AZGP1: variants seen among roughly 807,000 people sequenced by gnomAD.
AZGP1 encodes the protein zinc-alpha-2-glycoprotein.
AZGP1 carries 28 observed loss-of-function variants against 31.5 expected under a neutral mutation model. The observed-to-expected ratio is 0.89, with a 90% CI of 0.66 to 1.22. The LOEUF (loss-of-function observed/expected upper bound fraction) is 1.22. AZGP1 is among the 50% of genes most tolerant of loss of function. The pLI, the probability that AZGP1 is intolerant of heterozygous loss-of-function variation, is 0.00. For synonymous variants in AZGP1, 135 were observed against 145.4 expected, an observed-to-expected ratio of 0.93 and a Z score of 0.51; for missense variants, 361 against 371.8, an observed-to-expected ratio of 0.97 and a Z score of 0.24.
intron 1 of AZGP1, among the ~76,000 whole-genome samples, chr7:99,974,332 A>T (rs1789624862): frequency 6.6e-6 from 1 of 152,148 alleles, no homozygotes; most frequent in Admixed American, 6.5e-5. Flanking sequence ...TGACACCTGT[A>T]ATCCCGGCAC....
At chr7:99,969,178 G>A (rs564208514) in intron 2 of AZGP1, among the ~76,000 whole-genome samples, 4 of 152,104 alleles carry the variant, frequency 2.6e-5, no homozygotes, top group African/African-American at 9.6e-5. Flanking sequence ...GGAGGCTGAG[G>A]CCAAAGGATC....
chr7:99,973,234 T>A (rs1238377206), intron 1 of AZGP1, among the ~76,000 whole-genome samples: 1 of 152,038 alleles, frequency 6.6e-6, no homozygotes, highest in East Asian at 1.9e-4. Flanking sequence ...TAGCACAGGG[T>A]AAGACTAGGA....
intron 1 of AZGP1, among the ~76,000 whole-genome samples, chr7:99,975,160 AT>A (rs1300912757): frequency 6.6e-6 from 1 of 152,190 alleles, no homozygotes; most frequent in Non-Finnish European, 1.5e-5. Context: ...ACGTACATAT[AT>A]ATGTATATGT....
rs768392651 is a variant in AZGP1, at chr7:99,971,965, G to C, written c.118C>G (p.His40Asp). 24 of 1,614,000 alleles carry C rather than the reference G, an allele frequency of 1.5e-5. No homozygotes were observed. The Middle Eastern group carries it at 1.3e-3, about 89-fold the overall frequency. Residue 40 changes from histidine (H) to aspartate (D), a missense_variant, in exon 2 of 4, where the codon CAT (histidine) becomes GAT (aspartate). Physicochemically the swap from His to Asp is moderately conservative, Grantham distance 81. Transcript: ENST00000292401. Reference protein sequence around the residue: ...LTYIYTGLSKHVEDVPAFQAL... With the variant: ...LTYIYTGLSKDVEDVPAFQAL... ...TGAAACGCGGGGACGTCTTCAACAT[G>C]CTTGGACAGCCCAGTGTAGATATAG...
In AZGP1 at chr7:99,968,384, G is replaced by A. The variant is rs8192465; in HGVS notation, c.384C>T (p.Asn128=). 0.019 allele frequency: 30,627 copies of A among 1,613,730 alleles called. 382 individuals are homozygous for A. Among genetic ancestry groups the A allele is most frequent in the Non-Finnish European group, 0.023 (27,166 of 1,179,954 alleles). Residue 128 remains asparagine, a synonymous_variant, in exon 3 of 4, where the codon AAC becomes AAT. Transcript: ENST00000292401. ...QGRFGCEIEN[N]RSSGAFWKYY... is the part of the protein sequence containing the mutation. The stretch of plus-strand genomic sequence containing the variant: ...ATTTCCAGAATGCTCCGCTGCTTCT[G>A]TTATTCTCGATCTCACAACCAAACC...
intron 2 of AZGP1, among the ~76,000 whole-genome samples, chr7:99,969,665 T>C (rs1317606004): frequency 6.6e-6 from 1 of 152,230 alleles, no homozygotes; most frequent in Non-Finnish European, 1.5e-5. Context: ...TTTGAATTTA[T>C]GCTGAGTCCT....
chr7:99,968,792 A>C (rs34349564), intron 2 of AZGP1: 1 of 244,394 alleles, frequency 4.1e-6, no homozygotes, highest in South Asian at 5.9e-5. Context: ...GCGAAATCCC[A>C]CCACTACAAA....
chr7:99,971,747 G>A lies in AZGP1; in HGVS notation c.336C>T (p.Asn112=), dbSNP rs200393898. 48 of 1,613,462 alleles carry A rather than the reference G, an allele frequency of 3.0e-5. No individual in the cohort carries two copies. The highest frequency in any genetic ancestry group is 1.6e-4 in the Middle Eastern group (1 of 6,082). Residue 112 remains asparagine, a splice_region_variant and synonymous_variant, in exon 2 of 4, where the codon AAC becomes AAT. Transcript: ENST00000292401. ...KDIVEYYNDS[N]GSHVLQGRFG... Reference sequence around the variant, plus strand: ...CCCTGTGGTCTGTTATTCACTGACCGTTACTGTCGTTGTAATACTCCACGA... The same window carrying A: ...CCCTGTGGTCTGTTATTCACTGACCATTACTGTCGTTGTAATACTCCACGA...
chr7:99,968,555 T>C, intron 2 of AZGP1, 125 bp from the exon 3 acceptor site: 1 of 1,209,946 alleles, frequency 8.3e-7, no homozygotes, highest in African/African-American at 1.5e-5. Context: ...AAGCATGCAA[T>C]CCCTTTATCA....
rs558889378 is a variant in AZGP1 at position 99,971,928 on chromosome 7, G to A, written c.155C>T (p.Ser52Leu). 3.1e-6 allele frequency: 5 copies of A among 1,614,094 alleles called. No individual in the cohort carries two copies. ...EDVPAFQALG[S>L]LNDLQFFRYN... Reference sequence around the variant, plus strand: ...TCTAAAGAACTGGAGGTCATTGAGTGAGCCAAGGGCCTGAAACGCGGGGAC... The same window carrying A: ...TCTAAAGAACTGGAGGTCATTGAGTAAGCCAAGGGCCTGAAACGCGGGGAC... Residue 52 changes from serine to leucine, a missense_variant, in exon 2 of 4, where the codon TCA becomes TTA. Transcript: ENST00000292401.
chr7:99,968,296 C>T lies in AZGP1; in HGVS notation c.472G>A (p.Asp158Asn), dbSNP rs1388978064. ...TGCTTGGTTATCTGGGCTGCTGGGTCGAAGGGGACCCAGGCTGGGATTTCT... is the reference window on the plus strand; with the variant it reads ...TGCTTGGTTATCTGGGCTGCTGGGTTGAAGGGGACCCAGGCTGGGATTTCT... Reference protein sequence around the residue: ...NKEIPAWVPFDPAAQITKQKW... With the variant: ...NKEIPAWVPFNPAAQITKQKW... Residue 158 changes from aspartate (D) to asparagine (N), a missense_variant, in exon 3 of 4, where the codon GAC becomes AAC. Coordinates refer to ENST00000292401, the MANE Select transcript of AZGP1 (RefSeq NM_001185.4). 1.1e-5 allele frequency: 18 copies of T among 1,613,710 alleles called. No individual in the cohort carries two copies. The highest frequency in any genetic ancestry group is 1.2e-5 in the Non-Finnish European group (14 of 1,179,958).
In AZGP1 at chr7:99,967,064, G is replaced by A. The variant is rs765243322; in HGVS notation, c.836C>T (p.Ser279Phe). 6.2e-6 allele frequency: 10 copies of A among 1,614,208 alleles called. No individual in the cohort carries two copies. Among genetic ancestry groups the A allele is most frequent in the East Asian group, 4.5e-5 (2 of 44,882 alleles). Residue 279 changes from serine to phenylalanine, a missense_variant, in exon 4 of 4, where the codon TCC becomes TTC. Coordinates refer to ENST00000292401, the MANE Select transcript of AZGP1 (RefSeq NM_001185.4). Reference protein sequence around the residue: ...AVPPQDTAPYSCHVQHSSLAQ... With the variant: ...AVPPQDTAPYFCHVQHSSLAQ... The stretch of plus-strand genomic sequence containing the variant: ...CAGGCTGCTGTGCTGCACGTGGCAG[G>A]AGTAGGGGGCTGTGTCCTGCGGGGG...
At chr7:99,975,385 C>A (rs955023348) in intron 1 of AZGP1, among the ~76,000 whole-genome samples, 1 of 152,180 alleles carries the variant, frequency 6.6e-6, no homozygotes, top group African/African-American at 2.4e-5. Context: ...AAACAGCCTC[C>A]TTCCCTTATC....
At chr7:99,972,061 G>C in intron 1 of AZGP1, 55 bp from the exon 2 acceptor site, 1 of 1,535,058 alleles carries the variant, frequency 6.5e-7, no homozygotes, top group Non-Finnish European at 8.7e-7. Flanking sequence ...CCACTGTGGG[G>C]CTGCATAGGG....
chr7:99,974,043 T>G (rs1342824641), intron 1 of AZGP1, among the ~76,000 whole-genome samples: 1 of 150,616 alleles, frequency 6.6e-6, no homozygotes, highest in Non-Finnish European at 1.5e-5. Flanking sequence ...GAGGCTGAAG[T>G]GAGTGGATCA....
chr7:99,967,047 T>C lies in AZGP1; in HGVS notation c.853A>G (p.Ser285Gly), dbSNP rs1456512851. ...TAPYSCHVQH[S>G]SLAQPLVVPW... ...ACCACGAGGGGCTGGGCCAGGCTGC[T>C]GTGCTGCACGTGGCAGGAGTAGGGG... The change falls in exon 4 of 4, where the codon AGC becomes GGC. Residue 285 changes from serine (S) to glycine (G), a missense_variant. Ser to Gly is a moderately conservative substitution (Grantham distance 56). Transcript: ENST00000292401. The C allele has an allele frequency of 6.2e-7, 1 of 1,614,058 alleles. No homozygotes were observed. Among genetic ancestry groups the C allele is most frequent in the African/African-American group, 1.3e-5 (1 of 74,934 alleles).
chr7:99,973,566 A>C (rs1789612848), intron 1 of AZGP1, among the ~76,000 whole-genome samples: 1 of 151,670 alleles, frequency 6.6e-6, no homozygotes, highest in Non-Finnish European at 1.5e-5. Flanking sequence ...TAATGGGTAC[A>C]AAAAAAATAG....
intron 1 of AZGP1, among the ~76,000 whole-genome samples, chr7:99,975,563 C>G (rs1405308866): frequency 3.3e-5 from 5 of 152,140 alleles, no homozygotes; most frequent in Non-Finnish European, 4.4e-5. Flanking sequence ...GGGCTGCTCT[C>G]TCTTTCCCTC....
chr7:99,968,415 T>C lies in AZGP1; in HGVS notation c.353A>G (p.Gln118Arg). The C allele has an allele frequency of 6.2e-7, 1 of 1,613,912 alleles. No individual in the cohort carries two copies. The highest frequency in any genetic ancestry group is 8.5e-7 in the Non-Finnish European group (1 of 1,179,992). Residue 118 changes from glutamine (Q) to arginine (R), a missense_variant, in exon 3 of 4, where the codon CAG (glutamine) becomes CGG (arginine). Gln to Arg is a conservative substitution (Grantham distance 43). Transcript: ENST00000292401. ...CTCGATCTCACAACCAAACCTTCCC[T>C]GCAATACGTGAGACCCTGAAAACTC... Reference protein sequence around the residue: ...YNDSNGSHVLQGRFGCEIENN... With the variant: ...YNDSNGSHVLRGRFGCEIENN...
Sources: allele counts gnomAD v4.1 joint callset (sites outside exome capture counted in the v4.1 genomes callset), GRCh38; gene constraint gnomAD v4.1.1; transcripts MANE v1.5; gene names NCBI Gene and HGNC (gene_info 2026-07-23, HGNC 2026-07-21).